SMOX: variants seen among roughly 807,000 people sequenced by gnomAD.
SMOX encodes flavin containing amine oxidase.
In SMOX, 22 loss-of-function variants were observed where a neutral mutation model predicts 51.0. The ratio of observed to expected loss-of-function variants is 0.43; its 90% confidence interval spans 0.31 to 0.62. The LOEUF is 0.62. SMOX is among the 20% of genes least tolerant of loss of function. The pLI is 0.10. For missense variants in SMOX, 566 were observed against 777.7 expected, an observed-to-expected ratio of 0.73 and a Z score of 3.24; for synonymous variants, 282 against 307.8, an observed-to-expected ratio of 0.92 and a Z score of 0.88.
At position 4,177,457 on chromosome 20, in the gene SMOX, G is replaced by T. The variant is rs1978955790; in HGVS notation, c.315G>T (p.Gly105=). 6.4e-7 allele frequency: 1 copy of T among 1,572,774 alleles called. No individual in the cohort carries two copies. Among genetic ancestry groups the T allele is most frequent in the Non-Finnish European group, 8.6e-7 (1 of 1,157,664 alleles). ...GCCTCCTGGAAGAGACAACCGATGGGGAACGCAGCGTGGGCCGCATCAGCC... is the reference window on the plus strand; with the variant it reads ...GCCTCCTGGAAGAGACAACCGATGGTGAACGCAGCGTGGGCCGCATCAGCC... The part of the protein sequence containing the change: ...ANGLLEETTD[G]ERSVGRISLY... The change falls in exon 3 of 7, where the codon GGG becomes GGT. Residue 105 remains glycine (G), a synonymous_variant. Coordinates refer to ENST00000305958, the MANE Select transcript of SMOX (RefSeq NM_175839.3). This position sits in a 1 kb window ranked among gnomAD's most constrained non-coding sequence, Gnocchi z 4.3.
chr20:4,183,385 T>G lies in SMOX; in HGVS notation c.1370-109T>G. 1 of 1,512,852 alleles carries G rather than the reference T, an allele frequency of 6.6e-7. No homozygotes were observed. The highest frequency in any genetic ancestry group is 9.1e-7 in the Non-Finnish European group (1 of 1,093,806). 93.7% of individuals were successfully genotyped at this position (1,512,852 alleles called of 1,614,324 possible). ...TCCGTGCCTACCCCTGGCAGTCTGG[T>G]CCTCCCGGAGCCCTGGAGGTGGGGT... On this transcript the variant is annotated intron_variant, in intron 5 of 6. Transcript: ENST00000305958. This position sits in a 1 kb window ranked among gnomAD's most constrained non-coding sequence, Gnocchi z 4.3.
rs371076115 is a variant in SMOX, at chr20:4,177,465, G to T, written c.323G>T (p.Ser108Ile). ...GAAGAGACAACCGATGGGGAACGCA[G>T]CGTGGGCCGCATCAGCCTCTATTCC... ...LLEETTDGER[S>I]VGRISLYSKN... Residue 108 changes from serine (S) to isoleucine (I), a missense_variant, in exon 3 of 7, where the codon AGC becomes ATC. Physicochemically the swap from Ser to Ile is moderately radical, Grantham distance 142 (BLOSUM62 -2). Transcript: ENST00000305958. The surrounding 1 kb of genome is among the most constrained non-coding windows in gnomAD (Gnocchi z 4.3). The T allele has an allele frequency of 2.5e-6, 4 of 1,575,906 alleles. No homozygotes were observed. Among genetic ancestry groups the T allele is most frequent in the Non-Finnish European group, 3.5e-6 (4 of 1,159,216 alleles).
chr20:4,167,079 C>T lies in SMOX; in HGVS notation c.-26-7951C>T, dbSNP rs1420853913. Among the ~76,000 whole-genome samples the T allele has an allele frequency of 1.3e-5, 2 of 152,216 alleles. No homozygotes were observed. The highest frequency in any genetic ancestry group is 4.8e-5 in the African/African-American group (2 of 41,454). On this transcript the variant is annotated intron_variant, in intron 1 of 6. Transcript: ENST00000305958. This position sits in a 1 kb window ranked among gnomAD's most constrained non-coding sequence, Gnocchi z 4.8. ...GCTTTTCCCTTTCATGAGCTTGGAG[C>T]TGGCTAATGGCCACCACCTCTGATG...
chr20:4,167,608 G>C lies in SMOX; in HGVS notation c.-26-7422G>C, dbSNP rs1292623468. The stretch of plus-strand genomic sequence containing the variant: ...AGGTGTTGGCCAAGTGGGGCCTGGA[G>C]AAGGGAAGACACTGGCCCAGGGGTC... On this transcript the variant is annotated intron_variant, in intron 1 of 6. Coordinates refer to ENST00000305958, the MANE Select transcript of SMOX (RefSeq NM_175839.3). The surrounding 1 kb of genome is among the most constrained non-coding windows in gnomAD (Gnocchi z 4.8). 1.3e-5 allele frequency among the ~76,000 whole-genome samples: 2 copies of C among 152,146 alleles called. No homozygotes were observed. The highest frequency in any genetic ancestry group is 2.9e-5 in the Non-Finnish European group (2 of 68,022).
rs188310092 is a variant in SMOX at position 4,187,529 on chromosome 20, C to T, written c.*122C>T. 53 of 1,414,366 alleles carry T rather than the reference C, an allele frequency of 3.7e-5. No homozygotes were observed. The Middle Eastern group carries it at 7.3e-4, about 20-fold the overall frequency. The allele number at this position is 1,414,366 out of a possible 1,614,324, so 87.6% of individuals were successfully genotyped here. ...GATTTTTATCTTCTGTAGAGCTAGC[C>T]GCCCTGACTGCCTTCAGACCTGGCC... On this transcript the variant is annotated 3_prime_UTR_variant, in exon 7 of 7. Coordinates refer to ENST00000305958, the MANE Select transcript of SMOX (RefSeq NM_175839.3). This position sits in a 1 kb window ranked among gnomAD's most constrained non-coding sequence, Gnocchi z 4.8.
chr20:4,184,615 T>C (rs1186932596), intron 6 of SMOX, among the ~76,000 whole-genome samples: 1 of 151,722 alleles, frequency 6.6e-6, no homozygotes, highest in African/African-American at 2.4e-5. Flanking sequence ...TTTAAAACAA[T>C]TATTTGGTAT....
chr20:4,185,931 A>AC (rs1568750138), intron 6 of SMOX, among the ~76,000 whole-genome samples: 116 of 149,514 alleles, frequency 7.8e-4, no homozygotes, highest in African/African-American at 2.8e-3. Context: ...TGGCGCCCTA[A>AC]ACACACACAC....
At chr20:4,180,882 G>A (rs1321930289) in intron 3 of SMOX, among the ~76,000 whole-genome samples, 2 of 152,126 alleles carry the variant, frequency 1.3e-5, no homozygotes, top group Admixed American at 6.5e-5. Context: ...TGTCTCCCCA[G>A]CTGGAGTGAG....
rs1252677359 is a variant in SMOX, at chr20:4,172,890, A to G, written c.-26-2140A>G. Among the ~76,000 whole-genome samples the G allele has an allele frequency of 2.0e-5, 3 of 152,174 alleles. No homozygotes were observed. The East Asian group carries it at 5.8e-4, about 29-fold the overall frequency. On this transcript the variant is annotated intron_variant, in intron 1 of 6. Coordinates refer to ENST00000305958, the MANE Select transcript of SMOX (RefSeq NM_175839.3). This position sits in a 1 kb window ranked among gnomAD's most constrained non-coding sequence, Gnocchi z 7.7. ...TGCAATGGGCGGGGGAGGCACAAAG[A>G]GCAGCTTCTCAGCCTAAGCGTATTT...
Position 4,182,035 on chromosome 20 carries a change from C to A in SMOX, c.610-54C>A. The A allele has an allele frequency of 4.4e-6, 7 of 1,593,940 alleles. No homozygotes were observed. Among genetic ancestry groups the A allele is most frequent in the Non-Finnish European group, 6.0e-6 (7 of 1,168,486 alleles). Reference sequence around the variant, plus strand: ...GGGTCTGAGGAGGGCTACGCTGCTCCTACCCCTGCCCAACCCCGGCGGTCA... The same window carrying A: ...GGGTCTGAGGAGGGCTACGCTGCTCATACCCCTGCCCAACCCCGGCGGTCA... On this transcript the variant is annotated intron_variant, in intron 4 of 6. Transcript: ENST00000305958. This position sits in a 1 kb window ranked among gnomAD's most constrained non-coding sequence, Gnocchi z 8.4.
intron 1 of SMOX, among the ~76,000 whole-genome samples, chr20:4,151,119 A>T (rs1158697591): frequency 6.6e-6 from 1 of 152,050 alleles, no homozygotes; most frequent in Non-Finnish European, 1.5e-5. Flanking sequence ...GGCGTGAACC[A>T]CTGCGCCAGG....
rs1394153292 is a variant in SMOX, at chr20:4,167,834, G to A, written c.-26-7196G>A. ...CCAGCCTGAGTGAGGAGGCTGGGGAGGGTCTGGCTGGGAGGAGTTGGGGCC... is the reference window on the plus strand; with the variant it reads ...CCAGCCTGAGTGAGGAGGCTGGGGAAGGTCTGGCTGGGAGGAGTTGGGGCC... On this transcript the variant is annotated intron_variant, in intron 1 of 6. Transcript: ENST00000305958. This position sits in a 1 kb window ranked among gnomAD's most constrained non-coding sequence, Gnocchi z 4.8. Among the ~76,000 whole-genome samples the A allele has an allele frequency of 2.0e-5, 3 of 152,124 alleles. No homozygotes were observed. Among genetic ancestry groups the A allele is most frequent in the Non-Finnish European group, 4.4e-5 (3 of 68,010 alleles).
intron 2 of SMOX, among the ~76,000 whole-genome samples, chr20:4,176,796 G>A (rs942214706): frequency 2.4e-4 from 37 of 152,166 alleles, no homozygotes; most frequent in Admixed American, 1.8e-3. Context: ...CTGTGTCAAA[G>A]GATGTAGAGG....
chr20:4,162,335 G>A (rs1986374944), intron 1 of SMOX, among the ~76,000 whole-genome samples: 1 of 152,234 alleles, frequency 6.6e-6, no homozygotes, highest in South Asian at 2.1e-4. Context: ...GGGACCAGGG[G>A]ATTCCAAGCC....
In SMOX at chr20:4,177,811, A is replaced by G. The variant is rs1005457151; in HGVS notation, c.435+234A>G. ...TCTATTATGTTAATTGTATTAATTT[A>G]TATTCTAATAATATTTTGGAATTTA... is the stretch of plus-strand genomic sequence containing the variant. On this transcript the variant is annotated intron_variant, in intron 3 of 6. Coordinates refer to ENST00000305958, the MANE Select transcript of SMOX (RefSeq NM_175839.3). This position sits in a 1 kb window ranked among gnomAD's most constrained non-coding sequence, Gnocchi z 4.3. 2.0e-5 allele frequency among the ~76,000 whole-genome samples: 3 copies of G among 152,226 alleles called. No individual in the cohort carries two copies. Among genetic ancestry groups the G allele is most frequent in the African/African-American group, 7.2e-5 (3 of 41,458 alleles).
chr20:4,161,214 G>T (rs988726409), intron 1 of SMOX, among the ~76,000 whole-genome samples: 4 of 152,210 alleles, frequency 2.6e-5, no homozygotes, highest in Admixed American at 1.3e-4. Flanking sequence ...TGCAGAATGG[G>T]TGGATCTCTG....
Position 4,183,688 on chromosome 20 carries a change from G to A in SMOX, c.1530+34G>A. 6.5e-7 allele frequency: 1 copy of A among 1,538,166 alleles called. No individual in the cohort carries two copies. The highest frequency in any genetic ancestry group is 8.7e-7 in the Non-Finnish European group (1 of 1,146,558). On this transcript the variant is annotated intron_variant, in intron 6 of 6. Coordinates refer to ENST00000305958, the MANE Select transcript of SMOX (RefSeq NM_175839.3). The surrounding 1 kb of genome is among the most constrained non-coding windows in gnomAD (Gnocchi z 4.3). Reference sequence around the variant, plus strand: ...GGCGTTTGGGGTGAGGAGGGGAGTTGTGGGTGTATTTTGTATGTGTGTCCG... The same window carrying A: ...GGCGTTTGGGGTGAGGAGGGGAGTTATGGGTGTATTTTGTATGTGTGTCCG...
rs1190209335 is a variant in SMOX at position 4,177,425 on chromosome 20, G to A, written c.283G>A (p.Ala95Thr). ...HGNPIYHLAEANGLLEETTDG... is the reference protein window; with the variant it reads ...HGNPIYHLAETNGLLEETTDG... ...GAACCCTATCTATCATCTAGCAGAAGCCAACGGCCTCCTGGAAGAGACAAC... is the reference window on the plus strand; with the variant it reads ...GAACCCTATCTATCATCTAGCAGAAACCAACGGCCTCCTGGAAGAGACAAC... The change falls in exon 3 of 7, where the codon GCC (alanine) becomes ACC (threonine). Residue 95 changes from alanine to threonine, a missense_variant. Physicochemically the swap from Ala to Thr is moderately conservative, Grantham distance 58 (BLOSUM62 0). Transcript: ENST00000305958. This position sits in a 1 kb window ranked among gnomAD's most constrained non-coding sequence, Gnocchi z 4.3. The A allele has an allele frequency of 6.4e-7, 1 of 1,561,580 alleles. No individual in the cohort carries two copies. The highest frequency in any genetic ancestry group is 2.4e-5 in the East Asian group (1 of 42,128).
At chr20:4,176,660 G>A (rs374228293) in intron 2 of SMOX, among the ~76,000 whole-genome samples, 1 of 152,190 alleles carries the variant, frequency 6.6e-6, no homozygotes, top group Non-Finnish European at 1.5e-5. Flanking sequence ...CAGGCACAGA[G>A]GCAACTTGCC....
Sources: gnomAD v4.1 joint callset for allele counts (sites outside exome capture counted in the v4.1 genomes callset) on GRCh38, gnomAD v4.1.1 for gene constraint, Gnocchi (gnomAD v3.1) non-coding constraint, MANE v1.5 for transcripts, NCBI Gene and HGNC (gene_info 2026-07-23, HGNC 2026-07-21) for gene names.